Variants in FKBP15 observed in about 807,000 individuals in gnomAD.
The protein encoded by FKBP15 is FK506-binding protein 15.
In FKBP15, 106 loss-of-function variants were observed where a neutral mutation model predicts 158.1. The observed-to-expected ratio is 0.67, with a 90% CI of 0.57 to 0.79. The LOEUF (loss-of-function observed/expected upper bound fraction) is 0.79. FKBP15 is among the 30% of genes least tolerant of loss of function. FKBP15 has a pLI of 0.00. For missense variants in FKBP15, 1,287 were observed against 1,479.1 expected (o/e 0.87, Z 2.13); for synonymous variants, 547 against 548.6 (o/e 1.00, Z 0.04).
chr9:113,218,377 TTATATATATATATATATATA>T (rs10539484), intron 1 of FKBP15, among the ~76,000 whole-genome samples: 1 of 101,504 alleles, frequency 9.9e-6, no homozygotes. Flanking sequence ...GTAAATACAA[TTATATATATATATATATATA>T]TATATATATA....
intron 13 of FKBP15, 98 bp from the exon 14 acceptor site, chr9:113,187,997 A>G (rs1228403896): frequency 3.4e-6 from 3 of 890,864 alleles, no homozygotes; most frequent in African/African-American, 1.7e-5. Flanking sequence ...AGACTCAACT[A>G]TTTTCCTTGC....
At chr9:113,168,342 C>G in intron 27 of FKBP15, 118 bp downstream of exon 27, 3 of 851,240 alleles carry the variant, frequency 3.5e-6, no homozygotes, top group African/African-American at 1.7e-5. Flanking sequence ...CCACAGGGCC[C>G]TGCACACAGA....
intron 2 of FKBP15, among the ~76,000 whole-genome samples, chr9:113,210,208 TCACC>T (rs1830972663): frequency 6.6e-6 from 1 of 152,032 alleles, no homozygotes; most frequent in Non-Finnish European, 1.5e-5. Context: ...AGAGAAGCAC[TCACC>T]ACTGGGGGTG....
chr9:113,206,329 C>T (rs4281172), intron 4 of FKBP15, 180 bp downstream of exon 4: 382,360 of 572,226 alleles, frequency 0.67, 129,930 homozygotes, highest in African/African-American at 0.75. Flanking sequence ...TTTGTTTTAA[C>T]GCACAATAGT....
intron 23 of FKBP15, among the ~76,000 whole-genome samples, chr9:113,172,419 G>A (rs545182843): frequency 1.1e-4 from 16 of 152,182 alleles, no homozygotes; most frequent in African/African-American, 2.6e-4. Context: ...TTAAGGAATC[G>A]CCACACTGTC....
rs749762361 is a variant in FKBP15 at position 113,161,689 on chromosome 9, C to G, written c.*4389G>C. The G allele has an allele frequency of 5.0e-6, 8 of 1,613,918 alleles. No homozygotes were observed. The highest frequency in any genetic ancestry group is 6.8e-6 in the Non-Finnish European group (8 of 1,179,858). ...TCAGATTCATTCCCTGTTGGCAGAA[C>G]CCACCACAGGTACAGGCAGTGGGTA... On this transcript the variant is annotated 3_prime_UTR_variant, in exon 28 of 28. Transcript: ENST00000238256.
At chr9:113,167,639 C>A (rs925611639) in intron 27 of FKBP15, among the ~76,000 whole-genome samples, 1 of 152,178 alleles carries the variant, frequency 6.6e-6, no homozygotes, top group African/African-American at 2.4e-5. Context: ...CTGGCTGATA[C>A]ATGAGGGGAC....
At chr9:113,185,560 A>G (rs1830472720) in intron 15 of FKBP15, among the ~76,000 whole-genome samples, 1 of 152,258 alleles carries the variant, frequency 6.6e-6, no homozygotes, top group African/African-American at 2.4e-5. Flanking sequence ...ATTACTAAAC[A>G]GAAGACTAAT....
At chr9:113,171,750 G>T (rs776863077) in intron 23 of FKBP15, 44 bp from the exon 24 acceptor site, 1 of 1,094,972 alleles carries the variant, frequency 9.1e-7, no homozygotes, top group African/African-American at 2.1e-5. Context: ...GGAACCAGGT[G>T]AAGGTCAGAA....
chr9:113,191,842 A>G (rs567252020), intron 11 of FKBP15, among the ~76,000 whole-genome samples: 15 of 151,834 alleles, frequency 9.9e-5, no homozygotes, highest in African/African-American at 3.6e-4. Context: ...GGAATAGGGT[A>G]GATAAGGACA....
intron 12 of FKBP15, 124 bp downstream of exon 12, chr9:113,190,347 T>G (rs1830553733): frequency 1.3e-6 from 1 of 781,210 alleles, no homozygotes; most frequent in Non-Finnish European, 2.1e-6. Flanking sequence ...TCTGTATCAT[T>G]TTGCATATTA....
chr9:113,198,815 C>A lies in FKBP15; in HGVS notation c.717+40G>T. ...AATTTAATCTAAGTTAAACCCACTG[C>A]AACTGATAAAACCATAAAAAAACAC... is the stretch of plus-strand genomic sequence containing the variant. On this transcript the variant is annotated intron_variant, in intron 8 of 27. Coordinates refer to ENST00000238256, the MANE Select transcript of FKBP15 (RefSeq NM_015258.2). This position sits in a 1 kb window ranked among gnomAD's most constrained non-coding sequence, Gnocchi z 5.2. The A allele has an allele frequency of 7.2e-7, 1 of 1,388,102 alleles. No individual in the cohort carries two copies. Among genetic ancestry groups the A allele is most frequent in the Non-Finnish European group, 1.0e-6 (1 of 1,002,108 alleles). 86.0% of individuals were successfully genotyped at this position (1,388,102 alleles called of 1,614,324 possible).
rs117917347 is a variant in FKBP15 at position 113,218,968 on chromosome 9, A to C, written c.53+2223T>G. ...ATAATCTAAAACAAATATATACATA[A>C]TTGGCCCCTTAAAAATGCTTTGTGA... On this transcript the variant is annotated intron_variant, in intron 1 of 27. Coordinates refer to ENST00000238256, the MANE Select transcript of FKBP15 (RefSeq NM_015258.2). Among the ~76,000 whole-genome samples, 1,088 of 152,314 alleles carry C rather than the reference A, an allele frequency of 7.1e-3. 13 individuals carry two copies. Among genetic ancestry groups the C allele is most frequent in the Non-Finnish European group, 0.013 (888 of 68,026 alleles).
chr9:113,210,393 C>T (rs1192890591), intron 2 of FKBP15, among the ~76,000 whole-genome samples: 5 of 133,742 alleles, frequency 3.7e-5, no homozygotes, highest in Non-Finnish European at 3.0e-5. Flanking sequence ...AGTGCAGTGG[C>T]GTGATCTTGG....
chr9:113,217,265 T>G (rs905046016), intron 1 of FKBP15, among the ~76,000 whole-genome samples: 12 of 141,454 alleles, frequency 8.5e-5, no homozygotes, highest in Non-Finnish European at 1.5e-4. Context: ...CAGGCTGGAG[T>G]GCAGTGGCAC....
intron 24 of FKBP15, among the ~76,000 whole-genome samples, chr9:113,170,837 G>A (rs544251546): frequency 6.6e-6 from 1 of 152,330 alleles, no homozygotes; most frequent in East Asian, 1.9e-4. Flanking sequence ...GGCTAGTCAT[G>A]AGAGTTACCT....
intron 1 of FKBP15, among the ~76,000 whole-genome samples, chr9:113,216,794 C>A (rs1831143374): frequency 6.6e-6 from 1 of 151,988 alleles, no homozygotes; most frequent in Non-Finnish European, 1.5e-5. Context: ...ACAAGAGTGT[C>A]ATAAGTGAAC....
At chr9:113,213,592 A>G (rs1169896656) in intron 1 of FKBP15, among the ~76,000 whole-genome samples, 1 of 151,972 alleles carries the variant, frequency 6.6e-6, no homozygotes, top group African/African-American at 2.4e-5. Flanking sequence ...CAAAAAAAAA[A>G]AAAGGATTAC....
intron 1 of FKBP15, among the ~76,000 whole-genome samples, chr9:113,211,941 T>C (rs1353053703): frequency 1.3e-5 from 2 of 152,192 alleles, no homozygotes; most frequent in Non-Finnish European, 2.9e-5. Context: ...CTCTATGGTA[T>C]CTTCAAACTG....
Sources: gnomAD v4.1 joint callset for allele counts (sites outside exome capture counted in the v4.1 genomes callset) on GRCh38, gnomAD v4.1.1 for gene constraint, Gnocchi (gnomAD v3.1) non-coding constraint, MANE v1.5 for transcripts, NCBI Gene and HGNC (gene_info 2026-07-23, HGNC 2026-07-21) for gene names.